The following KLF12 variants were observed in gnomAD, a reference collection of about 807,000 sequenced individuals.
KLF12 encodes Krueppel-like factor 12.
KLF12 carries 9 observed loss-of-function variants against 37.8 expected under a neutral mutation model. The ratio of observed to expected loss-of-function variants is 0.24; its 90% CI spans 0.14 to 0.42. KLF12 has a LOEUF of 0.42. Ranked by LOEUF, KLF12 falls within the 10% of genes least tolerant of loss-of-function variation. The pLI, the probability that KLF12 is intolerant of heterozygous loss-of-function variation, is 1.00. For synonymous variants in KLF12, 208 were observed against 202.1 expected (o/e 1.03, Z -0.25); for missense variants, 411 against 516.0 (o/e 0.80, Z 1.97).
At chr13:73,773,054 A>C (rs1310979957) in intron 5 of KLF12, among the ~76,000 whole-genome samples, 4 of 152,032 alleles carry the variant, frequency 2.6e-5, no homozygotes, top group African/African-American at 7.2e-5. Flanking sequence ...AAGGAGGAGG[A>C]TCATGTTTCT....
chr13:74,087,180 A>G (rs1255451849), intron 1 of KLF12, among the ~76,000 whole-genome samples: 1 of 152,176 alleles, frequency 6.6e-6, no homozygotes, highest in African/African-American at 2.4e-5. Context: ...CAATAATGTG[A>G]ACAGGAAATA....
upstream of KLF12, among the ~76,000 whole-genome samples, chr13:74,136,040 G>A (rs559206325): frequency 2.0e-5 from 3 of 152,174 alleles, no homozygotes; most frequent in Non-Finnish European, 2.9e-5. Context: ...CTAGAGGAGG[G>A]GTCCCACAGC....
At chr13:74,051,286 C>T (rs1048261245) in intron 1 of KLF12, among the ~76,000 whole-genome samples, 1 of 151,380 alleles carries the variant, frequency 6.6e-6, no homozygotes, top group Non-Finnish European at 1.5e-5. Flanking sequence ...AGCTAACTGT[C>T]CATCAATGGA....
chr13:74,296,615 G>A, the KLF12 span, among the ~76,000 whole-genome samples: 11 of 152,132 alleles, frequency 7.2e-5, no homozygotes, highest in African/African-American at 2.2e-4. Flanking sequence ...AAAAAGTCAC[G>A]AAGCAATCTT....
At chr13:73,764,432 G>C (rs1165537548) in intron 6 of KLF12, among the ~76,000 whole-genome samples, 1 of 149,772 alleles carries the variant, frequency 6.7e-6, no homozygotes, top group Non-Finnish European at 1.5e-5. Context: ...CTATATTTTT[G>C]TTCAAGAACT....
At chr13:73,854,756 A>G (rs550215507) in intron 3 of KLF12, among the ~76,000 whole-genome samples, 2 of 152,184 alleles carry the variant, frequency 1.3e-5, no homozygotes, top group African/African-American at 2.4e-5. Flanking sequence ...CACATCACTT[A>G]TAACATCTAA....
At chr13:74,138,763 C>G (rs1878627527), upstream of KLF12, among the ~76,000 whole-genome samples, 1 of 152,160 alleles carries the variant, frequency 6.6e-6, no homozygotes, top group African/African-American at 2.4e-5. Context: ...CCCCCTTTCC[C>G]TCACATGCAC....
intron 5 of KLF12, among the ~76,000 whole-genome samples, chr13:73,794,417 G>A (rs550708314): frequency 5.3e-5 from 8 of 152,280 alleles, no homozygotes; most frequent in African/African-American, 9.6e-5. Flanking sequence ...GCAAGATTGC[G>A]CCACTGCACT....
At chr13:74,197,190 T>A in the KLF12 span, among the ~76,000 whole-genome samples, 1 of 152,324 alleles carries the variant, frequency 6.6e-6, no homozygotes, top group East Asian at 1.9e-4. Context: ...CATATGGTTA[T>A]AATAAATAAT....
the KLF12 span, among the ~76,000 whole-genome samples, chr13:74,286,658 G>T: frequency 1.3e-5 from 2 of 152,166 alleles, no homozygotes; most frequent in Non-Finnish European, 2.9e-5. Context: ...GGACTCCTAG[G>T]TAATTTGCAT....
chr13:74,252,161 G>T, the KLF12 span, among the ~76,000 whole-genome samples: 1 of 152,140 alleles, frequency 6.6e-6, no homozygotes, highest in Non-Finnish European at 1.5e-5. Context: ...TCCCTTAGTT[G>T]TTAAGAAACT....
At chr13:74,024,224 C>T (rs989467110) in intron 1 of KLF12, among the ~76,000 whole-genome samples, 5 of 152,280 alleles carry the variant, frequency 3.3e-5, no homozygotes, top group Admixed American at 2.0e-4. Flanking sequence ...TGGAATTAAC[C>T]ACACCTCACA....
Position 73,690,816 on chromosome 13 carries a change from T to G in KLF12, c.*4674A>C, listed in dbSNP as rs1237132867. ...AATTTGTGAGTTTGAAAATACTTTT[T>G]CCACTATCACATATGTTACGAATAC... On this transcript the variant is annotated 3_prime_UTR_variant, in exon 8 of 8. Transcript: ENST00000377669. The G allele has an allele frequency of 6.6e-6, 1 of 152,640 alleles. No homozygotes were observed. Among genetic ancestry groups the G allele is most frequent in the Non-Finnish European group, 1.5e-5 (1 of 68,034 alleles). The allele number at this position is 152,640 out of a possible 1,614,324, so 9.5% of individuals were successfully genotyped here.
At chr13:74,019,198 T>A (rs761125726) in intron 1 of KLF12, among the ~76,000 whole-genome samples, 4 of 152,210 alleles carry the variant, frequency 2.6e-5, no homozygotes, top group Non-Finnish European at 5.9e-5. Flanking sequence ...CTTATTATGT[T>A]TTAAATACAA....
intron 2 of KLF12, among the ~76,000 whole-genome samples, chr13:73,948,015 G>A (rs1290934876): frequency 6.6e-6 from 1 of 152,134 alleles, no homozygotes; most frequent in African/African-American, 2.4e-5. Context: ...AATAACTGCT[G>A]CTATTTGTTT....
the KLF12 span, among the ~76,000 whole-genome samples, chr13:74,181,263 G>A: frequency 6.6e-6 from 1 of 151,244 alleles, no homozygotes; most frequent in South Asian, 2.1e-4. Context: ...TTCCCAAAGT[G>A]TTGGGATTAC....
chr13:73,943,891 G>A (rs1020851394), intron 3 of KLF12, 90 bp downstream of exon 3: 14 of 787,014 alleles, frequency 1.8e-5, no homozygotes, highest in Middle Eastern at 2.3e-4. Flanking sequence ...AAGGGAAACC[G>A]TAGAAGTGCT....
At chr13:74,138,778 T>A (rs61965655), upstream of KLF12, among the ~76,000 whole-genome samples, 5,327 of 152,186 alleles carry the variant, frequency 0.035, 109 homozygotes, top group Non-Finnish European at 0.05. Context: ...ATGCACTAAT[T>A]ATAACATATC....
chr13:73,759,407 C>T (rs1167404578), intron 6 of KLF12, among the ~76,000 whole-genome samples: 1 of 152,072 alleles, frequency 6.6e-6, no homozygotes, highest in East Asian at 1.9e-4. Flanking sequence ...AATGAGCATG[C>T]AAGGATCTGT....
Sources: gnomAD v4.1 joint callset for allele counts (sites outside exome capture counted in the v4.1 genomes callset) on GRCh38, gnomAD v4.1.1 for gene constraint, MANE v1.5 for transcripts, NCBI Gene and HGNC (gene_info 2026-07-23, HGNC 2026-07-21) for gene names.